Variants in STXBP5 observed in about 807,000 individuals in gnomAD.
STXBP5 encodes syntaxin binding protein 5.
In STXBP5, 50 loss-of-function variants were observed where a neutral mutation model predicts 152.4. The observed-to-expected ratio is 0.33, with a 90% CI of 0.26 to 0.42. The LOEUF (loss-of-function observed/expected upper bound fraction) is 0.42. Ranked by LOEUF, STXBP5 falls within the 10% of genes least tolerant of loss-of-function variation. The pLI, the probability that STXBP5 is intolerant of heterozygous loss-of-function variation, is 1.00. For missense variants in STXBP5, 1,167 were observed against 1,388.6 expected, an observed-to-expected ratio of 0.84 and a Z score of 2.54; for synonymous variants, 492 against 494.7, an observed-to-expected ratio of 0.99 and a Z score of 0.07.
intron 2 of STXBP5, among the ~76,000 whole-genome samples, chr6:147,232,387 A>G (rs1562425482): frequency 6.6e-6 from 1 of 151,788 alleles, no homozygotes; most frequent in Non-Finnish European, 1.5e-5. Flanking sequence ...TTGCTCTGAA[A>G]TTTGTGTCCT....
chr6:147,372,220 A>T (rs1036721106), intron 25 of STXBP5, among the ~76,000 whole-genome samples: 2 of 151,936 alleles, frequency 1.3e-5, no homozygotes, highest in Non-Finnish European at 2.9e-5. Context: ...CCCATATGCA[A>T]TCTGGGTGGA....
intron 2 of STXBP5, among the ~76,000 whole-genome samples, chr6:147,221,034 T>G (rs1562418075): frequency 6.6e-6 from 1 of 152,106 alleles, no homozygotes; most frequent in Non-Finnish European, 1.5e-5. Flanking sequence ...GCATATCAGT[T>G]TCTTAGCATA....
intron 18 of STXBP5, among the ~76,000 whole-genome samples, chr6:147,329,121 T>A (rs1198969940): frequency 4.6e-5 from 7 of 151,736 alleles, no homozygotes; most frequent in Non-Finnish European, 8.8e-5. Flanking sequence ...CATTATACCT[T>A]ATACTAGCTT....
intron 7 of STXBP5, among the ~76,000 whole-genome samples, chr6:147,272,359 A>C (rs1438089399): frequency 6.6e-6 from 1 of 152,204 alleles, no homozygotes; most frequent in African/African-American, 2.4e-5. Context: ...TATTCTTAAC[A>C]CACGTTAATA....
intron 18 of STXBP5, among the ~76,000 whole-genome samples, chr6:147,332,382 A>G (rs1414667671): frequency 6.6e-6 from 1 of 152,252 alleles, no homozygotes; most frequent in Non-Finnish European, 1.5e-5. Context: ...GATTTGAAAT[A>G]TCAATGATGG....
At position 147,204,524 on chromosome 6, in the gene STXBP5, T is replaced by G; in HGVS notation, c.-9T>G. ...CCCTCCCGGGCTGCGGGGGAGCCCC[T>G]CCGAGACCATGAGGAAATTCAACAT... On this transcript the variant is annotated 5_prime_UTR_variant, in exon 1 of 28. Coordinates refer to ENST00000321680, the MANE Select transcript of STXBP5 (RefSeq NM_001127715.4). The surrounding 1 kb of genome is among the most constrained non-coding windows in gnomAD (Gnocchi z 4.3). The G allele has an allele frequency of 6.2e-7, 1 of 1,610,788 alleles. No individual in the cohort carries two copies. Among genetic ancestry groups the G allele is most frequent in the Non-Finnish European group, 8.5e-7 (1 of 1,178,958 alleles).
Position 147,389,020 on chromosome 6 carries a change from T to G in STXBP5, c.*4265T>G, listed in dbSNP as rs143735094. The G allele has an allele frequency of 6.6e-6, 1 of 151,708 alleles. No homozygotes were observed. Among genetic ancestry groups the G allele is most frequent in the Non-Finnish European group, 1.5e-5 (1 of 67,680 alleles). The allele number at this position is 151,708 out of a possible 1,614,324, so 9.4% of individuals were successfully genotyped here. On this transcript the variant is annotated 3_prime_UTR_variant, in exon 28 of 28. Transcript: ENST00000321680. The stretch of plus-strand genomic sequence containing the variant: ...ATTTACTTTGGGGGGAAAAAAGCAC[T>G]CCTATATCTTAAATGTCCTTCTTTT...
intron 21 of STXBP5, among the ~76,000 whole-genome samples, chr6:147,352,877 A>G (rs1784652246): frequency 6.6e-6 from 1 of 152,048 alleles, no homozygotes; most frequent in South Asian, 2.1e-4. Context: ...AAACTTTTAA[A>G]AAGTTGGCCA....
intron 8 of STXBP5, among the ~76,000 whole-genome samples, chr6:147,282,655 T>G (rs1780757168): frequency 6.6e-6 from 1 of 152,192 alleles, no homozygotes; most frequent in Non-Finnish European, 1.5e-5. Context: ...TTGGCTTGTT[T>G]CTCTCCCATG....
intron 7 of STXBP5, among the ~76,000 whole-genome samples, chr6:147,277,044 T>C (rs1481803929): frequency 6.6e-6 from 1 of 152,122 alleles, no homozygotes; most frequent in African/African-American, 2.4e-5. Flanking sequence ...GATGAGTTTA[T>C]CAGGGTATGA....
At chr6:147,322,551 T>C (rs1782987768) in intron 16 of STXBP5, among the ~76,000 whole-genome samples, 1 of 152,154 alleles carries the variant, frequency 6.6e-6, no homozygotes. Context: ...TTCAGAAGGG[T>C]TCTTACCTCT....
At chr6:147,323,984 G>A (rs910682536) in intron 16 of STXBP5, among the ~76,000 whole-genome samples, 10 of 152,082 alleles carry the variant, frequency 6.6e-5, no homozygotes, top group African/African-American at 2.4e-4. Flanking sequence ...CTACCACTGT[G>A]GCCACACTTA....
intron 18 of STXBP5, among the ~76,000 whole-genome samples, chr6:147,331,904 C>G (rs1783593665): frequency 6.6e-6 from 1 of 151,432 alleles, no homozygotes. Context: ...TATAAAATGC[C>G]TACAACACTC....
rs180891494 is a variant in STXBP5 at position 147,216,433 on chromosome 6, A to G, written c.248+10365A>G. 3.2e-4 allele frequency among the ~76,000 whole-genome samples: 48 copies of G among 152,258 alleles called. 2 individuals carry two copies. Among genetic ancestry groups the G allele is most frequent in the Admixed American group, 2.7e-3 (42 of 15,292 alleles). On this transcript the variant is annotated intron_variant, in intron 2 of 27. Transcript: ENST00000321680. ...ACAAAAAAATTCATAAGGCTCCCAG[A>G]ATAAAATTCAGATTCTTGGCCACTT...
intron 16 of STXBP5, among the ~76,000 whole-genome samples, chr6:147,319,437 A>C (rs1004902875): frequency 5.3e-5 from 8 of 152,200 alleles, no homozygotes; most frequent in Non-Finnish European, 8.8e-5. Flanking sequence ...GCTGTCCTTT[A>C]GACCTTTGAG....
chr6:147,363,341 T>C lies in STXBP5; in HGVS notation c.2552T>C (p.Ile851Thr). ...QPVIVSPSGTILRLKGAILRM... is the reference protein window; with the variant it reads ...QPVIVSPSGTTLRLKGAILRM... ...CTAGACTTCTATATTTTAGGTACTA[T>C]ATTGAGGTTAAAAGGTGCAATCTTG... Residue 851 changes from isoleucine (I) to threonine (T), a missense_variant, in exon 24 of 28, where the codon ATA becomes ACA. By Grantham distance (89) the Ile-to-Thr change is moderately conservative (BLOSUM62 -1). Around this residue, in one of 3 missense-constraint regions of STXBP5, gnomAD observed 833 missense variants for 986.3 expected, o/e 0.84. Coordinates refer to ENST00000321680, the MANE Select transcript of STXBP5 (RefSeq NM_001127715.4). The C allele has an allele frequency of 6.3e-7, 1 of 1,589,552 alleles. No homozygotes were observed. The highest frequency in any genetic ancestry group is 8.5e-7 in the Non-Finnish European group (1 of 1,171,056).
intron 5 of STXBP5, among the ~76,000 whole-genome samples, chr6:147,261,045 A>G (rs1779618311): frequency 6.6e-6 from 1 of 151,784 alleles, no homozygotes; most frequent in African/African-American, 2.4e-5. Context: ...AAATCATCTA[A>G]TTTTTTCTGT....
chr6:147,208,187 T>C (rs964762921), intron 2 of STXBP5, among the ~76,000 whole-genome samples: 8 of 152,198 alleles, frequency 5.3e-5, no homozygotes, highest in Non-Finnish European at 8.8e-5. Context: ...GAAAACTGTT[T>C]ACTAAATTAC....
chr6:147,223,990 AC>A (rs1777585263), intron 2 of STXBP5, among the ~76,000 whole-genome samples: 1 of 151,786 alleles, frequency 6.6e-6, no homozygotes, highest in African/African-American at 2.4e-5. Flanking sequence ...TGAAACTGTT[AC>A]GTGAAATATT....
Sources: allele counts gnomAD v4.1 joint callset (sites outside exome capture counted in the v4.1 genomes callset), GRCh38; gene constraint gnomAD v4.1.1; regional missense constraint gnomAD v4.1.1; non-coding constraint Gnocchi (gnomAD v3.1); transcripts MANE v1.5; gene names NCBI Gene and HGNC (gene_info 2026-07-23, HGNC 2026-07-21).